RTEL1: variants seen among roughly 807,000 people sequenced by gnomAD.
RTEL1 encodes regulator of telomere elongation helicase 1.
In RTEL1, 86 loss-of-function variants were observed where a neutral mutation model predicts 162.2. The ratio of observed to expected loss-of-function variants is 0.53; its 90% CI spans 0.45 to 0.63. The LOEUF (loss-of-function observed/expected upper bound fraction) is 0.63. Ranked by LOEUF, RTEL1 falls within the 30% of genes least tolerant of loss-of-function variation. RTEL1 has a pLI of 0.00. For missense variants in RTEL1, 1,941 were observed against 1,750.2 expected, an observed-to-expected ratio of 1.11 and a Z score of -1.95; for synonymous variants, 958 against 717.9, an observed-to-expected ratio of 1.33 and a Z score of -5.35.
At chr20:63,689,012 T>TTG (rs1568709672) in intron 21 of RTEL1, 43 bp from the exon 22 acceptor site, 2 of 1,472,868 alleles carry the variant, frequency 1.4e-6, no homozygotes, top group South Asian at 1.2e-5. Context: ...AGGAAGGGGC[T>TTG]GGGGGGGGGC....
chr20:63,667,063 T>G (rs535017221), intron 7 of RTEL1, among the ~76,000 whole-genome samples: 1 of 151,792 alleles, frequency 6.6e-6, no homozygotes, highest in South Asian at 2.1e-4. Flanking sequence ...ATGGTCTCGA[T>G]CTTCTGACCT....
chr20:63,673,868 AC>A (rs978794839), intron 9 of RTEL1, 71 bp from the exon 10 acceptor site: 98 of 1,511,096 alleles, frequency 6.5e-5, no homozygotes, highest in Non-Finnish European at 8.0e-6. Context: ...CTGCACCCCC[AC>A]CCCATTTCTG....
rs2090628997 is a variant in RTEL1 at position 63,687,711 on chromosome 20, C to T, written c.1422C>T (p.Ser474=). ...MHELVRQGVR[S]LILTSGTLAP... is the part of the protein sequence containing the mutation. ...AGCTGGTCCGCCAGGGCGTCCGCTC[C>T]CTCATCCTTACCAGCGGCACGCTGG... The change falls in exon 17 of 35, where the codon TCC becomes TCT. Residue 474 remains serine, a synonymous_variant. Transcript: ENST00000360203. 2 of 1,604,200 alleles carry T rather than the reference C, an allele frequency of 1.2e-6. No homozygotes were observed. The highest frequency in any genetic ancestry group is 1.7e-6 in the Non-Finnish European group (2 of 1,177,056).
intron 10 of RTEL1, among the ~76,000 whole-genome samples, chr20:63,675,062 C>T (rs1409830031): frequency 1.3e-5 from 2 of 152,176 alleles, no homozygotes; most frequent in Non-Finnish European, 2.9e-5. Context: ...CGTGCACCAC[C>T]ACGCCCAGCT....
At position 63,688,352 on chromosome 20, in the gene RTEL1, A is replaced by G; in HGVS notation, c.1688A>G (p.Tyr563Cys). The G allele has an allele frequency of 1.2e-6, 2 of 1,612,076 alleles. No individual in the cohort carries two copies. Among genetic ancestry groups the G allele is most frequent in the Non-Finnish European group, 1.7e-6 (2 of 1,179,814 alleles). ...PYGLLIFFPS[Y>C]PVMEKSLEFW... is the part of the protein sequence containing the mutation. Reference sequence around the variant, plus strand: ...GGGCTCCTGATCTTCTTCCCTTCCTATCCTGTCATGGAGAAGAGCCTGGAG... The same window carrying G: ...GGGCTCCTGATCTTCTTCCCTTCCTGTCCTGTCATGGAGAAGAGCCTGGAG... Residue 563 changes from tyrosine to cysteine, a missense_variant, in exon 20 of 35, where the codon TAT becomes TGT. Coordinates refer to ENST00000360203, the MANE Select transcript of RTEL1 (RefSeq NM_001283009.2).
chr20:63,687,358 G>A (rs1362626752), intron 16 of RTEL1: 4 of 393,322 alleles, frequency 1.0e-5, no homozygotes, highest in Non-Finnish European at 1.8e-5. Context: ...GAAGTTTAGG[G>A]TTGGAGTGGG....
At chr20:63,686,046 A>G in intron 16 of RTEL1, 174 bp downstream of exon 16, 1 of 652,356 alleles carries the variant, frequency 1.5e-6, no homozygotes, top group Non-Finnish European at 2.7e-6. Flanking sequence ...TGAAGATTGG[A>G]GTTACTGAGA....
chr20:63,674,994 G>A (rs557431757), intron 10 of RTEL1, among the ~76,000 whole-genome samples: 257 of 151,484 alleles, frequency 1.7e-3, no homozygotes, highest in African/African-American at 5.5e-3. Context: ...TGCAACCTCC[G>A]CCTCCTGGGT....
chr20:63,690,969 A>G (rs531381393), intron 27 of RTEL1, 22 bp downstream of exon 27: 2 of 1,542,316 alleles, frequency 1.3e-6, no homozygotes, highest in African/African-American at 1.4e-5. Flanking sequence ...GGGCCTTGGG[A>G]TGGACACAGA....
chr20:63,690,220 T>C lies in RTEL1; in HGVS notation c.2265+10T>C, dbSNP rs2090701320. 1 of 1,611,660 alleles carries C rather than the reference T, an allele frequency of 6.2e-7. No homozygotes were observed. Among genetic ancestry groups the C allele is most frequent in the Non-Finnish European group, 8.5e-7 (1 of 1,179,164 alleles). The stretch of plus-strand genomic sequence containing the variant: ...TGTTGCCGAGCGAACTGTGAGTTCC[T>C]GCCCAGGGAGGGGATGAGGGTGTTG... On this transcript the variant is annotated intron_variant, in intron 25 of 34. Coordinates refer to ENST00000360203, the MANE Select transcript of RTEL1 (RefSeq NM_001283009.2).
chr20:63,669,665 A>G (rs543422115), intron 8 of RTEL1, among the ~76,000 whole-genome samples: 21 of 152,000 alleles, frequency 1.4e-4, no homozygotes, highest in Non-Finnish European at 2.1e-4. Flanking sequence ...TGGAATGGCC[A>G]GTTAACCACT....
Position 63,674,043 on chromosome 20 carries a change from C to A in RTEL1, c.869C>A (p.Ala290Glu). Residue 290 changes from alanine to glutamate, a missense_variant, in exon 10 of 35, where the codon GCG (alanine) becomes GAG (glutamate). By Grantham distance (107) the Ala-to-Glu change is moderately radical. Coordinates refer to ENST00000360203, the MANE Select transcript of RTEL1 (RefSeq NM_001283009.2). ...GTGCTGGAGGAGCAGACCAAGGCAGCGCAGCAGGGTGAGCCCCACCCGGAG... is the reference window on the plus strand; with the variant it reads ...GTGCTGGAGGAGCAGACCAAGGCAGAGCAGCAGGGTGAGCCCCACCCGGAG... ...DQVLEEQTKA[A>E]QQGEPHPEFS... 1 of 1,612,538 alleles carries A rather than the reference C, an allele frequency of 6.2e-7. No homozygotes were observed. The highest frequency in any genetic ancestry group is 2.2e-5 in the East Asian group (1 of 44,884).
Position 63,692,905 on chromosome 20 carries a change from C to T in RTEL1, c.2753C>T (p.Ala918Val), listed in dbSNP as rs1234595238. 4 of 1,612,550 alleles carry T rather than the reference C, an allele frequency of 2.5e-6. No individual in the cohort carries two copies. The highest frequency in any genetic ancestry group is 2.7e-5 in the African/African-American group (2 of 74,938). Residue 918 changes from alanine to valine, a missense_variant, in exon 29 of 35, where the codon GCC becomes GTC. Coordinates refer to ENST00000360203, the MANE Select transcript of RTEL1 (RefSeq NM_001283009.2). ...SQANFATFTQALQDYKGSDDF... is the reference protein window; with the variant it reads ...SQANFATFTQVLQDYKGSDDF... The stretch of plus-strand genomic sequence containing the variant: ...GCCAACTTTGCCACCTTCACCCAGG[C>T]CCTGCAGGACTACAAGGGTTCCGAT...
chr20:63,682,173 G>A, intron 14 of RTEL1: 7 of 985,446 alleles, frequency 7.1e-6, no homozygotes, highest in South Asian at 4.7e-5. Context: ...ATCCTAGAAT[G>A]TGGCTTCTGA....
intron 14 of RTEL1, chr20:63,682,424 GAA>G: frequency 1.0e-6 from 1 of 985,596 alleles, no homozygotes; most frequent in Non-Finnish European, 1.2e-6. Flanking sequence ...CACTTAAGGA[GAA>G]GTCTCCACAC....
rs763141983 is a variant in RTEL1, at chr20:63,693,196, A to G, written c.2905A>G (p.Ile969Val). 6.8e-6 allele frequency: 11 copies of G among 1,612,152 alleles called. No homozygotes were observed. The highest frequency in any genetic ancestry group is 3.3e-5 in the Admixed American group (2 of 59,982). ...TAAGCAGCAGTTTGAGGAGGTCTGT[A>G]TCCAGCTGACAGGACGAGGCTGTGG... is the stretch of plus-strand genomic sequence containing the variant. ...HHKQQFEEVCIQLTGRGCGYR... is the reference protein window; with the variant it reads ...HHKQQFEEVCVQLTGRGCGYR... The change falls in exon 30 of 35, where the codon ATC becomes GTC. Residue 969 changes from isoleucine (I) to valine (V), a missense_variant. Transcript: ENST00000360203.
At chr20:63,692,455 C>T (rs2090771711) in intron 28 of RTEL1, 2 of 367,614 alleles carry the variant, frequency 5.4e-6, no homozygotes, top group Non-Finnish European at 1.0e-5. Flanking sequence ...GCGCTGCCAT[C>T]CTGGGAGCCT....
At chr20:63,685,711 G>A in intron 15 of RTEL1, 80 bp from the exon 16 acceptor site, 8 of 1,582,350 alleles carry the variant, frequency 5.1e-6, no homozygotes, top group Non-Finnish European at 6.9e-6. Flanking sequence ...TGGGGCTGGG[G>A]GTCTTCTGGT....
Position 63,667,565 on chromosome 20 carries a change from G to C in RTEL1, c.699+12G>C, listed in dbSNP as rs1292448269. The C allele has an allele frequency of 6.2e-7, 1 of 1,607,954 alleles. No homozygotes were observed. Reference sequence around the variant, plus strand: ...TGTTGGATGCCAAGGTGGGGGCTCAGTCCTGTAGCTGACGACTCCTGATGT... The same window carrying C: ...TGTTGGATGCCAAGGTGGGGGCTCACTCCTGTAGCTGACGACTCCTGATGT... On this transcript the variant is annotated intron_variant, in intron 8 of 34. Coordinates refer to ENST00000360203, the MANE Select transcript of RTEL1 (RefSeq NM_001283009.2).
Sources: gnomAD v4.1 joint callset for allele counts (sites outside exome capture counted in the v4.1 genomes callset) on GRCh38, gnomAD v4.1.1 for gene constraint, MANE v1.5 for transcripts, NCBI Gene and HGNC (gene_info 2026-07-23, HGNC 2026-07-21) for gene names.